The following SENP6 variants were observed in gnomAD, a reference collection of about 807,000 sequenced individuals.
SENP6 encodes the protein SUMO specific peptidase 6, also known as sentrin-specific protease 6.
In SENP6, 41 loss-of-function variants were observed where a neutral mutation model predicts 134.5. The ratio of observed to expected loss-of-function variants is 0.30; its 90% CI spans 0.24 to 0.40. The LOEUF (loss-of-function observed/expected upper bound fraction) is 0.40, where lower values mean the gene tolerates loss of function less well. Among genes scored for constraint, SENP6 ranks in the 10% least tolerant of loss-of-function variants. The probability of loss-of-function intolerance (pLI) is 1.00; values close to 1 mark genes in which losing one functional copy is unlikely to be tolerated. For synonymous variants in SENP6, 395 were observed against 429.8 expected (o/e 0.92, Z 1.00); for missense variants, 1,248 against 1,312.5 (o/e 0.95, Z 0.76).
Position 75,621,530 on chromosome 6 carries a change from A to G in SENP6, c.53-2A>G. On this transcript the variant is annotated splice_acceptor_variant, in intron 1 of 23. Transcript: ENST00000447266. LOFTEE classifies it high-confidence loss of function. ...ACTTACTGCAGTTTGTTTTTATTTC[A>G]GCTTTGGCTAGATCAGAGTCTAAGA... is the stretch of plus-strand genomic sequence containing the variant. 6.3e-7 allele frequency: 1 copy of G among 1,591,854 alleles called. No homozygotes were observed. The highest frequency in any genetic ancestry group is 8.6e-7 in the Non-Finnish European group (1 of 1,163,378).
At chr6:75,677,510 T>G (rs1393101697) in intron 14 of SENP6, 1 of 301,290 alleles carries the variant, frequency 3.3e-6, no homozygotes, top group Admixed American at 4.6e-5. Context: ...CTTTTCATCA[T>G]CATTTTCTCT....
At chr6:75,631,269 ATGATG>A (rs1422096748) in intron 3 of SENP6, among the ~76,000 whole-genome samples, 2 of 152,202 alleles carry the variant, frequency 1.3e-5, no homozygotes, top group African/African-American at 4.8e-5. Flanking sequence ...CTTAAATTAC[ATGATG>A]TGATAATTTT....
chr6:75,640,394 G>A (rs915268124), intron 5 of SENP6, among the ~76,000 whole-genome samples: 2 of 152,100 alleles, frequency 1.3e-5, no homozygotes, highest in Admixed American at 1.3e-4. Flanking sequence ...AGAATAGCAG[G>A]GAATATTGTA....
intron 11 of SENP6, 111 bp downstream of exon 11, chr6:75,670,831 CAGTT>C (rs1270252656): frequency 1.8e-5 from 8 of 452,482 alleles, no homozygotes; most frequent in East Asian, 5.4e-5. Context: ...AATAGAATAT[CAGTT>C]AGTTCAAGAT....
intron 1 of SENP6, among the ~76,000 whole-genome samples, chr6:75,617,259 CTTTCTT>C (rs1767920364): frequency 5.0e-5 from 4 of 80,078 alleles, no homozygotes; most frequent in African/African-American, 1.3e-4. Context: ...GAATTTCTTT[CTTTCTT>C]TTTTTTTTTT....
intron 3 of SENP6, 46 bp downstream of exon 3, chr6:75,624,006 A>T: frequency 1.4e-6 from 2 of 1,449,910 alleles, no homozygotes; most frequent in South Asian, 2.5e-5. Context: ...TATATACAAA[A>T]AAATTGTTAC....
At chr6:75,706,224 C>A (rs1164990782) in intron 19 of SENP6, among the ~76,000 whole-genome samples, 1 of 151,756 alleles carries the variant, frequency 6.6e-6, no homozygotes, top group Non-Finnish European at 1.5e-5. Context: ...AGAGTGATAG[C>A]TAAGTGGTAT....
intron 16 of SENP6, among the ~76,000 whole-genome samples, chr6:75,691,343 C>T (rs1774236250): frequency 6.6e-6 from 1 of 151,956 alleles, no homozygotes; most frequent in Non-Finnish European, 1.5e-5. Context: ...TAGGGTCTTC[C>T]TGTGTTGCCC....
intron 18 of SENP6, among the ~76,000 whole-genome samples, chr6:75,699,262 G>A (rs914957014): frequency 1.1e-4 from 16 of 151,414 alleles, no homozygotes; most frequent in African/African-American, 3.9e-4. Context: ...AGTCATCTTA[G>A]TGAGAGGTAG....
Position 75,659,412 on chromosome 6 carries a change from G to C in SENP6, c.696+5G>C. On this transcript the variant is annotated splice_donor_5th_base_variant and intron_variant, in intron 8 of 23. Transcript: ENST00000447266. ...AAATGTTTAACCCATTTAGAGGTAA[G>C]TAGAGAAATTATTCTTTGTTGCTAA... 6.3e-7 allele frequency: 1 copy of C among 1,598,712 alleles called. No homozygotes were observed. The highest frequency in any genetic ancestry group is 8.5e-7 in the Non-Finnish European group (1 of 1,170,218).
Position 75,623,172 on chromosome 6 carries a change from A to G in SENP6, c.147-728A>G, listed in dbSNP as rs1364911043. On this transcript the variant is annotated intron_variant, in intron 2 of 23. Transcript: ENST00000447266. ...GCTGAGTTGTCTTCGAAAACGTTGT[A>G]TTTGACTTTCTTTGATGGCAGATTT... 5.9e-5 allele frequency among the ~76,000 whole-genome samples: 9 copies of G among 151,980 alleles called. No homozygotes were observed. In the East Asian group the frequency reaches 1.5e-3, roughly 26 times the overall value.
intron 6 of SENP6, among the ~76,000 whole-genome samples, chr6:75,645,990 A>G (rs936597301): frequency 6.6e-6 from 1 of 152,292 alleles, no homozygotes; most frequent in East Asian, 1.9e-4. Context: ...CACAAGTTCA[A>G]ATTGCAAGAG....
intron 1 of SENP6, among the ~76,000 whole-genome samples, chr6:75,610,710 C>T (rs1028400510): frequency 1.3e-5 from 2 of 152,176 alleles, no homozygotes; most frequent in African/African-American, 4.8e-5. Context: ...CCTAGTTTAA[C>T]AACAGCTACC....
intron 1 of SENP6, chr6:75,620,737 T>TAAG (rs1768209300): frequency 6.6e-6 from 1 of 152,286 alleles, no homozygotes; most frequent in African/African-American, 2.4e-5. Flanking sequence ...CCACTGCCTC[T>TAAG]TCAGTGAGTT....
chr6:75,613,470 A>C (rs996861348), intron 1 of SENP6, among the ~76,000 whole-genome samples: 1 of 152,202 alleles, frequency 6.6e-6, no homozygotes, highest in Non-Finnish European at 1.5e-5. Flanking sequence ...ATACATGCAC[A>C]AGGAAACAAA....
At position 75,652,698 on chromosome 6, in the gene SENP6, A is replaced by G. The variant is rs866078681; in HGVS notation, c.550+4897A>G. 2.0e-4 allele frequency among the ~76,000 whole-genome samples: 29 copies of G among 148,714 alleles called. 1 individual carries two copies. The highest frequency in any genetic ancestry group is 5.3e-4 in the Admixed American group (8 of 15,110). On this transcript the variant is annotated intron_variant, in intron 7 of 23. Transcript: ENST00000447266. Reference sequence around the variant, plus strand: ...CTAAAAATCTCAAAAAAAAAAAAAAAAAAAAGAAAAAGAAAAAAAATGCCT... The same window carrying G: ...CTAAAAATCTCAAAAAAAAAAAAAAGAAAAAGAAAAAGAAAAAAAATGCCT...
intron 18 of SENP6, chr6:75,697,795 G>A: frequency 3.5e-6 from 1 of 282,652 alleles, no homozygotes; most frequent in Non-Finnish European, 6.6e-6. Flanking sequence ...GGTGCTTATT[G>A]TCTAGCAAGT....
Position 75,650,760 on chromosome 6 carries a change from A to G in SENP6, c.550+2959A>G, listed in dbSNP as rs1375259429. Among the ~76,000 whole-genome samples the G allele has an allele frequency of 3.9e-5, 6 of 152,286 alleles. No homozygotes were observed. The East Asian group carries it at 1.2e-3, about 29-fold the overall frequency. ...GCAATGCTATAATAATACTGTATATATTGTTATATGAAGATTGCATTTTAT... is the reference window on the plus strand; with the variant it reads ...GCAATGCTATAATAATACTGTATATGTTGTTATATGAAGATTGCATTTTAT... On this transcript the variant is annotated intron_variant, in intron 7 of 23. Transcript: ENST00000447266.
At chr6:75,635,432 T>C (rs990490900) in intron 5 of SENP6, among the ~76,000 whole-genome samples, 2 of 152,238 alleles carry the variant, frequency 1.3e-5, no homozygotes, top group Middle Eastern at 3.4e-3. Context: ...TTATAACTAG[T>C]AACATTTTAA....
Sources: allele counts gnomAD v4.1 joint callset (sites outside exome capture counted in the v4.1 genomes callset), GRCh38; gene constraint gnomAD v4.1.1; transcripts MANE v1.5; gene names NCBI Gene and HGNC (gene_info 2026-07-23, HGNC 2026-07-21).